SPATA6: variants seen among roughly 807,000 people sequenced by gnomAD.
The protein encoded by SPATA6 is spermatogenesis associated 6.
In SPATA6, 56 loss-of-function variants were observed where a neutral mutation model predicts 65.3. The ratio of observed to expected loss-of-function variants is 0.86; its 90% confidence interval spans 0.69 to 1.07. SPATA6 has a LOEUF of 1.07. Among genes scored for constraint, SPATA6 ranks in the 50% least tolerant of loss-of-function variants. The pLI, the probability that SPATA6 is intolerant of heterozygous loss-of-function variation, is 0.00. For missense variants in SPATA6, 590 were observed against 594.8 expected (o/e 0.99, Z 0.08); for synonymous variants, 199 against 213.2 (o/e 0.93, Z 0.58).
chr1:48,322,823 C>T (rs1360541251), intron 11 of SPATA6, among the ~76,000 whole-genome samples: 2 of 152,212 alleles, frequency 1.3e-5, no homozygotes, highest in African/African-American at 4.8e-5. Flanking sequence ...TGAAAAAATG[C>T]TCATCATCAT....
intron 9 of SPATA6, among the ~76,000 whole-genome samples, chr1:48,375,357 AG>A (rs1212912171): frequency 6.6e-6 from 1 of 152,206 alleles, no homozygotes; most frequent in Non-Finnish European, 1.5e-5. Flanking sequence ...AGTCTATAAA[AG>A]AAAGTTCCTA....
intron 9 of SPATA6, among the ~76,000 whole-genome samples, chr1:48,379,524 A>T (rs1648306124): frequency 1.3e-5 from 2 of 152,212 alleles, no homozygotes; most frequent in Admixed American, 1.3e-4. Context: ...AGTTTCAAGT[A>T]GACAGGATGA....
chr1:48,356,329 T>G (rs1401123533), intron 10 of SPATA6, among the ~76,000 whole-genome samples: 1 of 151,964 alleles, frequency 6.6e-6, no homozygotes, highest in East Asian at 1.9e-4. Context: ...CCTTTCTCTT[T>G]TGTATGCCCT....
intron 12 of SPATA6, among the ~76,000 whole-genome samples, chr1:48,300,972 G>T (rs984236260): frequency 6.6e-6 from 1 of 151,864 alleles, no homozygotes; most frequent in African/African-American, 2.4e-5. Flanking sequence ...ATGGGAAAAA[G>T]ATCTGAAACA....
intron 9 of SPATA6, among the ~76,000 whole-genome samples, chr1:48,368,529 CTTCATTTCA>C (rs1283260295): frequency 1.3e-5 from 2 of 152,218 alleles, no homozygotes; most frequent in Non-Finnish European, 2.9e-5. Context: ...CCCCTTCTCG[CTTCATTTCA>C]TTCATTTCAT....
the SPATA6 span, among the ~76,000 whole-genome samples, chr1:48,284,459 T>C: frequency 6.6e-6 from 1 of 152,140 alleles, no homozygotes; most frequent in Non-Finnish European, 1.5e-5. Context: ...CTCCATCCAG[T>C]TTTGTTCCCT....
chr1:48,346,798 T>C (rs1034978129), intron 11 of SPATA6, among the ~76,000 whole-genome samples: 27 of 152,014 alleles, frequency 1.8e-4, no homozygotes, highest in African/African-American at 6.3e-4. Context: ...TACAAAACAC[T>C]GCTCAGAGAA....
At chr1:48,336,835 C>G (rs368116117) in intron 11 of SPATA6, among the ~76,000 whole-genome samples, 2 of 151,944 alleles carry the variant, frequency 1.3e-5, no homozygotes, top group South Asian at 4.1e-4. Flanking sequence ...TCATGAAAAT[C>G]TTCATATCAT....
intron 3 of SPATA6, among the ~76,000 whole-genome samples, chr1:48,449,414 G>A (rs972340997): frequency 1.3e-5 from 2 of 152,110 alleles, no homozygotes; most frequent in Non-Finnish European, 2.9e-5. Flanking sequence ...CAACTATGAA[G>A]ATTTCTTGCC....
intron 11 of SPATA6, among the ~76,000 whole-genome samples, chr1:48,349,219 T>C (rs1250905573): frequency 1.3e-5 from 2 of 151,998 alleles, no homozygotes; most frequent in Non-Finnish European, 2.9e-5. Context: ...ATATGATTAC[T>C]TTCTTGCTAC....
At position 48,399,538 on chromosome 1, in the gene SPATA6, T is replaced by C. The variant is rs748045840; in HGVS notation, c.593A>G (p.Lys198Arg). Residue 198 changes from lysine to arginine, a missense_variant, in exon 7 of 13, where the codon AAA becomes AGA. By Grantham distance (26) the Lys-to-Arg change is conservative (BLOSUM62 2). Transcript: ENST00000371847. ...GTAGTTTTTTGCATTTATACAGTAT[T>C]TACTTCTCTCAGGTGACTTGGATTT... ...KKKSKSPERS[K>R]YCINAKNYEQ... is the part of the protein sequence containing the mutation. The C allele has an allele frequency of 1.2e-6, 2 of 1,613,188 alleles. No individual in the cohort carries two copies. Among genetic ancestry groups the C allele is most frequent in the South Asian group, 2.2e-5 (2 of 91,040 alleles).
At chr1:48,278,057 T>A in the SPATA6 span, among the ~76,000 whole-genome samples, 6 of 152,170 alleles carry the variant, frequency 3.9e-5, no homozygotes, top group East Asian at 1.9e-4. Context: ...TCACTGCTGA[T>A]ACCCAGGCAA....
chr1:48,322,124 G>T (rs1645616016), intron 11 of SPATA6, among the ~76,000 whole-genome samples: 1 of 151,896 alleles, frequency 6.6e-6, no homozygotes, highest in African/African-American at 2.4e-5. Context: ...GCATCTTAAA[G>T]AACTAGAAAG....
intron 11 of SPATA6, among the ~76,000 whole-genome samples, chr1:48,311,820 C>A (rs1645219120): frequency 6.6e-6 from 1 of 152,182 alleles, no homozygotes; most frequent in African/African-American, 2.4e-5. Flanking sequence ...CTTTCCTAGC[C>A]AAGGAAAAGG....
At chr1:48,293,038 G>A (rs1407160926), downstream of SPATA6, among the ~76,000 whole-genome samples, 7 of 152,246 alleles carry the variant, frequency 4.6e-5, no homozygotes, top group African/African-American at 1.7e-4. Flanking sequence ...CAGTGGAGAA[G>A]GGTGCTGGGG....
intron 3 of SPATA6, among the ~76,000 whole-genome samples, chr1:48,444,516 T>G (rs1471821874): frequency 6.6e-6 from 1 of 151,152 alleles, no homozygotes; most frequent in African/African-American, 2.4e-5. Flanking sequence ...TAGCTAAAGG[T>G]TTGTAAACAC....
intron 11 of SPATA6, among the ~76,000 whole-genome samples, chr1:48,355,034 T>C: frequency 6.6e-6 from 1 of 152,076 alleles, no homozygotes; most frequent in East Asian, 1.9e-4. Flanking sequence ...AATCTTAGTG[T>C]CCAGCACACA....
rs114571281 is a variant in SPATA6 at position 48,375,322 on chromosome 1, T to A, written c.909+9987A>T. Among the ~76,000 whole-genome samples, 427 of 152,260 alleles carry A rather than the reference T, an allele frequency of 2.8e-3. 2 individuals are homozygous for A. The highest frequency in any genetic ancestry group is 9.8e-3 in the African/African-American group (408 of 41,548). ...TACTAACAATACTAATATGTATCTC[T>A]TTGTCTTTGTCACTTTTTGAGGGGA... On this transcript the variant is annotated intron_variant, in intron 9 of 12. Transcript: ENST00000371847.
chr1:48,471,286 A>G (rs1658222892), intron 1 of SPATA6, among the ~76,000 whole-genome samples: 1 of 152,150 alleles, frequency 6.6e-6, no homozygotes, highest in Non-Finnish European at 1.5e-5. Context: ...TGTTTCCCTC[A>G]TAAAAATGAC....
Sources: allele counts gnomAD v4.1 joint callset (sites outside exome capture counted in the v4.1 genomes callset), GRCh38; gene constraint gnomAD v4.1.1; transcripts MANE v1.5; gene names NCBI Gene and HGNC (gene_info 2026-07-23, HGNC 2026-07-21).